CEBPZOS: variants seen among roughly 807,000 people sequenced by gnomAD.
CEBPZOS encodes CEBPZ opposite strand.
In CEBPZOS, 10 loss-of-function variants were observed where a neutral mutation model predicts 4.8. The observed-to-expected ratio is 2.07, with a 90% CI of 1.28 to 3.52. The LOEUF (loss-of-function observed/expected upper bound fraction) is 3.52, where lower values mean the gene tolerates loss of function less well. Ranked by LOEUF, CEBPZOS falls within the 30% of genes most tolerant of loss-of-function variation. The pLI is 0.00. For synonymous variants in CEBPZOS, 25 were observed against 14.2 expected (o/e 1.77, Z -1.72); for missense variants, 98 against 43.6 (o/e 2.25, Z -3.51).
In CEBPZOS at chr2:37,212,288, T is replaced by C. The variant is rs1425367452; in HGVS notation, c.*3-1149T>C. ...GTCTACTGTTCTGAGGGACAACAATTTGGGAAATGCTAGAAAAATAGGAAG... is the reference window on the plus strand; with the variant it reads ...GTCTACTGTTCTGAGGGACAACAATCTGGGAAATGCTAGAAAAATAGGAAG... On this transcript the variant is annotated intron_variant, in intron 4 of 4. Coordinates refer to the CEBPZOS transcript ENST00000397064. 2.6e-6 allele frequency: 4 copies of C among 1,534,180 alleles called. No homozygotes were observed. In the East Asian group the frequency reaches 6.8e-5, roughly 26 times the overall value.
At chr2:37,206,091 C>A (rs1232933892), downstream of CEBPZOS, among the ~76,000 whole-genome samples, 4 of 152,142 alleles carry the variant, frequency 2.6e-5, no homozygotes. Context: ...GGGCACCATC[C>A]AATCTGCTGG....
At position 37,203,740 on chromosome 2, in the gene CEBPZOS, G is replaced by A. The variant is rs1484943248; in HGVS notation, c.*1880G>A. The A allele has an allele frequency of 2.0e-5, 3 of 152,254 alleles. No individual in the cohort carries two copies. Among genetic ancestry groups the A allele is most frequent in the Non-Finnish European group, 2.9e-5 (2 of 68,012 alleles). 9.4% of individuals were successfully genotyped at this position (152,254 alleles called of 1,614,324 possible). A position where few individuals can be genotyped will look rare whatever the true frequency, so the allele number is the denominator to read the frequency against. The stretch of plus-strand genomic sequence containing the variant: ...ATTTGTAGTCCTCCAACCCATCTCC[G>A]ATCTATCTTGTTTCTATGACTTGCC... On this transcript the variant is annotated 3_prime_UTR_variant, in exon 5 of 5. Coordinates refer to ENST00000402297, the MANE Select transcript of CEBPZOS (RefSeq NM_001322374.2).
intron 1 of CEBPZOS, chr2:37,198,673 G>A (rs1677066790): frequency 1.3e-5 from 2 of 152,192 alleles, no homozygotes; most frequent in African/African-American, 4.8e-5. Context: ...AATGTCTTCA[G>A]TAAGTCTTAT....
Position 37,203,104 on chromosome 2 carries a change from G to A in CEBPZOS, c.*1244G>A. On this transcript the variant is annotated 3_prime_UTR_variant, in exon 5 of 5. Transcript: ENST00000402297. ...GATTTTATTTTAAAAATTATACTTG[G>A]GTAAAAACAATTGCAATAATCTTCT... 3.8e-6 allele frequency: 3 copies of A among 792,470 alleles called. No homozygotes were observed. Among genetic ancestry groups the A allele is most frequent in the South Asian group, 2.4e-5 (1 of 42,210 alleles). The allele number at this position is 792,470 out of a possible 1,614,324, so 49.1% of individuals were successfully genotyped here. A position where few individuals can be genotyped will look rare whatever the true frequency, so the allele number is the denominator to read the frequency against.
chr2:37,211,092 GA>G, intron 4 of CEBPZOS: 2 of 1,588,468 alleles, frequency 1.3e-6, no homozygotes, highest in Non-Finnish European at 8.6e-7. Context: ...TCTGTTACAC[GA>G]AAAAATTTGC....
chr2:37,206,024 G>A (rs1384370571), downstream of CEBPZOS, among the ~76,000 whole-genome samples: 1 of 152,206 alleles, frequency 6.6e-6, no homozygotes, highest in Non-Finnish European at 1.5e-5. Flanking sequence ...TGAATGAGCA[G>A]AGATTAGCAT....
chr2:37,211,672 T>C, intron 4 of CEBPZOS: 1 of 549,820 alleles, frequency 1.8e-6, no homozygotes, highest in Non-Finnish European at 3.1e-6. Flanking sequence ...TAACACACAA[T>C]AAAAACCCTT....
At chr2:37,197,081 A>G (rs1676980846) in intron 1 of CEBPZOS, among the ~76,000 whole-genome samples, 1 of 152,130 alleles carries the variant, frequency 6.6e-6, no homozygotes, top group Admixed American at 6.5e-5. Flanking sequence ...GCCCCGTGTG[A>G]TGTTAACTGC....
downstream of CEBPZOS, among the ~76,000 whole-genome samples, chr2:37,207,318 C>T (rs112331584): frequency 7.1e-3 from 1,086 of 152,246 alleles, 13 homozygotes; most frequent in African/African-American, 0.021. Context: ...CAGATACCTA[C>T]GGAACATTCT....
intron 4 of CEBPZOS, chr2:37,211,377 T>A (rs1172815401): frequency 1.1e-5 from 3 of 262,418 alleles, no homozygotes; most frequent in Non-Finnish European, 2.1e-5. Context: ...TCAGAATAAG[T>A]AAGAAGAATG....
downstream of CEBPZOS, among the ~76,000 whole-genome samples, chr2:37,206,919 A>C (rs895174743): frequency 2.6e-5 from 4 of 152,258 alleles, no homozygotes; most frequent in African/African-American, 9.6e-5. Flanking sequence ...CACGTAACAC[A>C]TAAGGACTCA....
downstream of CEBPZOS, among the ~76,000 whole-genome samples, chr2:37,215,782 A>C (rs993182028): frequency 2.6e-5 from 4 of 152,198 alleles, no homozygotes; most frequent in African/African-American, 9.7e-5. Context: ...AGAGAGCTTT[A>C]AGATGGTCTG....
At chr2:37,207,191 A>G (rs1046835161), downstream of CEBPZOS, among the ~76,000 whole-genome samples, 4 of 152,214 alleles carry the variant, frequency 2.6e-5, no homozygotes, top group African/African-American at 9.6e-5. Flanking sequence ...ACAGATGGCA[A>G]CACAATAATA....
intron 4 of CEBPZOS, chr2:37,211,742 T>A: frequency 1.2e-6 from 1 of 816,332 alleles, no homozygotes. Context: ...GAGTATTAAT[T>A]TGAATACAGG....
intron 1 of CEBPZOS, chr2:37,198,374 C>A (rs1040012589): frequency 5.9e-5 from 9 of 151,706 alleles, no homozygotes; most frequent in African/African-American, 2.2e-4. Context: ...TCTTTTGGTC[C>A]CCAGGGTGAT....
At chr2:37,209,804 G>A (rs772686755) in intron 4 of CEBPZOS, 9 of 152,092 alleles carry the variant, frequency 5.9e-5, no homozygotes, top group Non-Finnish European at 7.4e-5. Context: ...GCTAAAAAGC[G>A]TCTGCATAGC....
intron 1 of CEBPZOS, among the ~76,000 whole-genome samples, chr2:37,198,021 C>T (rs1448878291): frequency 6.6e-6 from 1 of 150,672 alleles, no homozygotes; most frequent in African/African-American, 2.5e-5. Flanking sequence ...TTTGCTGGGC[C>T]TGGTGGCGGG....
At chr2:37,211,804 G>A in intron 4 of CEBPZOS, 1 of 1,429,980 alleles carries the variant, frequency 7.0e-7, no homozygotes, top group South Asian at 1.4e-5. Context: ...AAGGAAGTGA[G>A]GAAGACACAG....
At chr2:37,214,652 A>C (rs1407112639), downstream of CEBPZOS, among the ~76,000 whole-genome samples, 1 of 152,200 alleles carries the variant, frequency 6.6e-6, no homozygotes, top group Admixed American at 6.5e-5. Flanking sequence ...CGGATTTGTA[A>C]ATTTTCTTAA....
Sources: gnomAD v4.1 joint callset for allele counts (sites outside exome capture counted in the v4.1 genomes callset) on GRCh38, gnomAD v4.1.1 for gene constraint, MANE v1.5 for transcripts, NCBI Gene and HGNC (gene_info 2026-07-23, HGNC 2026-07-21) for gene names.